The following ATP13A4 variants were observed in gnomAD, a reference collection of about 807,000 sequenced individuals.
ATP13A4 encodes ATPase 13A4.
Under a neutral mutation model 142.5 loss-of-function variants are expected in ATP13A4, and 114 were observed. The observed-to-expected ratio is 0.80, with a 90% CI of 0.69 to 0.93. The LOEUF (loss-of-function observed/expected upper bound fraction) is 0.93. Ranked by LOEUF, ATP13A4 falls within the 40% of genes least tolerant of loss-of-function variation. The pLI, the probability that ATP13A4 is intolerant of heterozygous loss-of-function variation, is 0.00. For synonymous variants in ATP13A4, 488 were observed against 514.8 expected (o/e 0.95, Z 0.70); for missense variants, 1,392 against 1,454.0 (o/e 0.96, Z 0.69).
chr3:193,570,943 G>A (rs1216415285), intron 2 of ATP13A4, among the ~76,000 whole-genome samples: 1 of 152,102 alleles, frequency 6.6e-6, no homozygotes, highest in Admixed American at 6.6e-5. Flanking sequence ...TATTAAAGGG[G>A]TGTAAAATTT....
At chr3:193,571,015 T>A (rs3863983) in intron 2 of ATP13A4, among the ~76,000 whole-genome samples, 2 of 151,944 alleles carry the variant, frequency 1.3e-5, no homozygotes, top group South Asian at 4.1e-4. Flanking sequence ...TGGTAGCTCA[T>A]GCCTGTAATC....
chr3:193,464,846 C>T, intron 12 of ATP13A4, 94 bp downstream of exon 12: 1 of 1,349,334 alleles, frequency 7.4e-7, no homozygotes, highest in Non-Finnish European at 1.1e-6. Context: ...CACCCACATT[C>T]TATGTCTCCT....
At chr3:193,502,047 A>C (rs1327358137) in intron 3 of ATP13A4, among the ~76,000 whole-genome samples, 1 of 152,146 alleles carries the variant, frequency 6.6e-6, no homozygotes, top group Non-Finnish European at 1.5e-5. Context: ...GGATCACTTG[A>C]GCCCAGGAGT....
At chr3:193,422,565 A>G (rs980078778) in intron 25 of ATP13A4, among the ~76,000 whole-genome samples, 1 of 149,792 alleles carries the variant, frequency 6.7e-6, no homozygotes, top group South Asian at 2.1e-4. Context: ...CTATAAATCA[A>G]TGACAGGAGG....
chr3:193,458,915 C>A (rs1717789338), intron 14 of ATP13A4, 166 bp downstream of exon 14: 1 of 856,672 alleles, frequency 1.2e-6, no homozygotes. Context: ...TTATTAGCTT[C>A]ATTGCACAGA....
At chr3:193,429,175 T>C (rs2108614290) in intron 25 of ATP13A4, among the ~76,000 whole-genome samples, 1 of 152,238 alleles carries the variant, frequency 6.6e-6, no homozygotes, top group African/African-American at 2.4e-5. Flanking sequence ...GATGAGGCTG[T>C]GAAGCAATTA....
At chr3:193,416,286 A>G (rs1412353742) in intron 25 of ATP13A4, among the ~76,000 whole-genome samples, 2 of 152,224 alleles carry the variant, frequency 1.3e-5, no homozygotes, top group Non-Finnish European at 2.9e-5. Flanking sequence ...TAATTTTCAG[A>G]GTTAGAGCAT....
At chr3:193,485,684 A>G (rs952532392) in intron 7 of ATP13A4, among the ~76,000 whole-genome samples, 1 of 152,190 alleles carries the variant, frequency 6.6e-6, no homozygotes. Context: ...CTAGCCCCCA[A>G]GATGATGATA....
intron 7 of ATP13A4, among the ~76,000 whole-genome samples, chr3:193,484,551 T>C (rs774857404): frequency 6.6e-6 from 1 of 152,180 alleles, no homozygotes; most frequent in Non-Finnish European, 1.5e-5. Context: ...TCATTTAGTG[T>C]GTTCATTTTG....
Position 193,474,338 on chromosome 3 carries a change from A to AC in ATP13A4, c.809-3346_809-3345insG, listed in dbSNP as rs1392383448. 6.0e-5 allele frequency among the ~76,000 whole-genome samples: 9 copies of AC among 148,798 alleles called. No individual in the cohort carries two copies. In the East Asian group the frequency reaches 1.6e-3, roughly 26 times the overall value. ...ACTCCGTCTCAAAAAAAAAAAAAAA[A>AC]AAAAAAAAACAAACAAAAAAGAAAA... On this transcript the variant is annotated intron_variant, in intron 8 of 29. Transcript: ENST00000342695.
Position 193,400,276 on chromosome 3 carries a change from C to T in ATP13A4, c.*2376G>A, listed in dbSNP as rs1352377989. Among the ~76,000 whole-genome samples, 2 of 152,174 alleles carry T rather than the reference C, an allele frequency of 1.3e-5. No individual in the cohort carries two copies. Among genetic ancestry groups the T allele is most frequent in the African/African-American group, 2.4e-5 (1 of 41,422 alleles). On this transcript the variant is annotated 3_prime_UTR_variant, in exon 30 of 30. Transcript: ENST00000342695. ...AGTCTTCAAAATGAGTCTCTTTTCCCAAAGATTTTATGGCTGCTTGACTAG... is the reference window on the plus strand; with the variant it reads ...AGTCTTCAAAATGAGTCTCTTTTCCTAAAGATTTTATGGCTGCTTGACTAG...
intron 25 of ATP13A4, among the ~76,000 whole-genome samples, chr3:193,416,037 G>T (rs1715043379): frequency 6.6e-6 from 1 of 152,204 alleles, no homozygotes; most frequent in African/African-American, 2.4e-5. Context: ...TAATCTGTAA[G>T]GACTGGAGAA....
chr3:193,489,306 C>T (rs950323505), intron 7 of ATP13A4, among the ~76,000 whole-genome samples: 1 of 152,026 alleles, frequency 6.6e-6, no homozygotes, highest in Non-Finnish European at 1.5e-5. Context: ...TAAAGAAAGT[C>T]AGGAGTTGGA....
chr3:193,529,765 C>G (rs891456391), intron 1 of ATP13A4, among the ~76,000 whole-genome samples: 1 of 152,150 alleles, frequency 6.6e-6, no homozygotes, highest in African/African-American at 2.4e-5. Flanking sequence ...TTATAAGGAG[C>G]CTTATTTTTG....
chr3:193,512,119 AG>A (rs1465588418), intron 2 of ATP13A4, among the ~76,000 whole-genome samples: 8 of 152,200 alleles, frequency 5.3e-5, no homozygotes. Flanking sequence ...TGCAAGGCAG[AG>A]CGTGGTTCTG....
At chr3:193,423,116 T>A (rs1451550512) in intron 25 of ATP13A4, among the ~76,000 whole-genome samples, 3 of 149,486 alleles carry the variant, frequency 2.0e-5, no homozygotes, top group Non-Finnish European at 3.0e-5. Context: ...AAATCTAGAA[T>A]AAATGGATAA....
intron 25 of ATP13A4, among the ~76,000 whole-genome samples, chr3:193,424,964 A>G (rs1463501386): frequency 1.4e-5 from 2 of 145,630 alleles, no homozygotes; most frequent in Non-Finnish European, 3.0e-5. Flanking sequence ...TAATATCCAG[A>G]TTATATCAGG....
intron 2 of ATP13A4, among the ~76,000 whole-genome samples, chr3:193,503,204 A>G (rs1399991589): frequency 1.3e-5 from 2 of 152,222 alleles, no homozygotes; most frequent in African/African-American, 2.4e-5. Context: ...GCTCAGTCAG[A>G]GTCTGAAGAA....
intron 1 of ATP13A4, among the ~76,000 whole-genome samples, chr3:193,526,768 A>G (rs1018870166): frequency 1.3e-5 from 2 of 152,172 alleles, no homozygotes; most frequent in African/African-American, 4.8e-5. Context: ...GTCATATGAG[A>G]GATTATCTCT....
Sources: allele counts gnomAD v4.1 joint callset (sites outside exome capture counted in the v4.1 genomes callset), GRCh38; gene constraint gnomAD v4.1.1; transcripts MANE v1.5; gene names NCBI Gene and HGNC (gene_info 2026-07-23, HGNC 2026-07-21).